The following ST6GALNAC3 variants were observed in gnomAD, a reference collection of about 807,000 sequenced individuals.
ST6GALNAC3 encodes alpha-N-acetylgalactosaminide alpha-2,6-sialyltransferase 3.
A neutral mutation model predicts 32.7 loss-of-function variants in ST6GALNAC3; 25 were observed. The observed-to-expected ratio is 0.76, with a 90% confidence interval of 0.56 to 1.07. The LOEUF is 1.07. Ranked by LOEUF, ST6GALNAC3 falls within the 50% of genes least tolerant of loss-of-function variation. ST6GALNAC3 has a pLI of 0.00. For missense variants in ST6GALNAC3, 355 were observed against 382.4 expected (o/e 0.93, Z 0.60); for synonymous variants, 129 against 133.1 (o/e 0.97, Z 0.21).
At chr1:76,436,321 A>G (rs1450968792) in intron 3 of ST6GALNAC3, among the ~76,000 whole-genome samples, 1 of 152,138 alleles carries the variant, frequency 6.6e-6, no homozygotes, top group Non-Finnish European at 1.5e-5. Context: ...AAAGTTCATC[A>G]GAATATCACA....
chr1:76,572,210 T>G (rs1158844702), intron 3 of ST6GALNAC3, among the ~76,000 whole-genome samples: 1 of 152,022 alleles, frequency 6.6e-6, no homozygotes. Flanking sequence ...TTCCTGCCTA[T>G]CCTAGTAATA....
intron 3 of ST6GALNAC3, among the ~76,000 whole-genome samples, chr1:76,516,986 A>T (rs1200925032): frequency 1.3e-5 from 2 of 152,074 alleles, no homozygotes; most frequent in Admixed American, 6.5e-5. Flanking sequence ...AATTTTTTCT[A>T]AGTCCTTTTA....
chr1:76,385,118 C>T (rs1043463911), intron 2 of ST6GALNAC3, among the ~76,000 whole-genome samples: 10 of 151,908 alleles, frequency 6.6e-5, no homozygotes, highest in African/African-American at 2.4e-4. Context: ...TTCATTAACA[C>T]ATGTTTAAAA....
chr1:76,624,952 C>T (rs76092749), intron 3 of ST6GALNAC3, among the ~76,000 whole-genome samples: 169 of 152,066 alleles, frequency 1.1e-3, no homozygotes, highest in African/African-American at 4.0e-3. Flanking sequence ...GAGCATGGTA[C>T]CGCACAGTGG....
chr1:76,103,110 T>G (rs1390841902), intron 1 of ST6GALNAC3, among the ~76,000 whole-genome samples: 7 of 151,860 alleles, frequency 4.6e-5, no homozygotes, highest in South Asian at 2.1e-4. Flanking sequence ...TTTTTAGTTT[T>G]TTTTTTTTTT....
At chr1:76,144,444 A>G (rs1042109787) in intron 1 of ST6GALNAC3, among the ~76,000 whole-genome samples, 1 of 152,198 alleles carries the variant, frequency 6.6e-6, no homozygotes, top group African/African-American at 2.4e-5. Flanking sequence ...GTTGAACTTG[A>G]CAAATATTGG....
intron 1 of ST6GALNAC3, among the ~76,000 whole-genome samples, chr1:76,114,828 A>T (rs1571186708): frequency 6.6e-6 from 1 of 151,398 alleles, no homozygotes; most frequent in African/African-American, 2.4e-5. Flanking sequence ...CTGAGGCGGG[A>T]GAATCGCTTG....
intron 3 of ST6GALNAC3, among the ~76,000 whole-genome samples, chr1:76,603,052 A>C (rs72991876): frequency 0.038 from 5,729 of 152,280 alleles, 340 homozygotes; most frequent in African/African-American, 0.13. Flanking sequence ...TACACTCACC[A>C]GATTGGCAAA....
At chr1:76,478,256 A>C (rs1295858516) in intron 3 of ST6GALNAC3, among the ~76,000 whole-genome samples, 2 of 152,178 alleles carry the variant, frequency 1.3e-5, no homozygotes, top group Non-Finnish European at 2.9e-5. Flanking sequence ...ATTTAGACTC[A>C]GGCTGCCTCA....
At chr1:76,175,470 T>G (rs1652791228) in intron 1 of ST6GALNAC3, among the ~76,000 whole-genome samples, 1 of 152,162 alleles carries the variant, frequency 6.6e-6, no homozygotes, top group Admixed American at 6.5e-5. Flanking sequence ...TATCCATATT[T>G]TGGTTTTATC....
At chr1:76,395,135 C>A (rs557662510) in intron 2 of ST6GALNAC3, among the ~76,000 whole-genome samples, 1 of 152,078 alleles carries the variant, frequency 6.6e-6, no homozygotes, top group African/African-American at 2.4e-5. Flanking sequence ...GTCATAAATT[C>A]GAGTTCCAAA....
At chr1:76,287,219 T>C (rs1209561287) in intron 1 of ST6GALNAC3, among the ~76,000 whole-genome samples, 2 of 152,172 alleles carry the variant, frequency 1.3e-5, no homozygotes, top group East Asian at 3.8e-4. Context: ...TTAGGTGAAG[T>C]GATTTCTCAT....
intron 2 of ST6GALNAC3, among the ~76,000 whole-genome samples, chr1:76,339,633 G>T (rs925241455): frequency 6.6e-6 from 1 of 152,018 alleles, no homozygotes; most frequent in Non-Finnish European, 1.5e-5. Context: ...TATAAAATAG[G>T]TGTTGCTCAT....
chr1:76,372,996 T>C (rs1242483204), intron 2 of ST6GALNAC3, among the ~76,000 whole-genome samples: 4 of 152,142 alleles, frequency 2.6e-5, no homozygotes, highest in Non-Finnish European at 5.9e-5. Context: ...AGGGTCTTGC[T>C]ATGTTGGCCA....
At chr1:76,502,431 A>C (rs79455736) in intron 3 of ST6GALNAC3, among the ~76,000 whole-genome samples, 1 of 152,290 alleles carries the variant, frequency 6.6e-6, no homozygotes, top group Non-Finnish European at 1.5e-5. Flanking sequence ...TGAAGACTAG[A>C]AGTCCAAAAT....
chr1:76,294,330 GT>G (rs1193292712), intron 1 of ST6GALNAC3, among the ~76,000 whole-genome samples: 1 of 151,588 alleles, frequency 6.6e-6, no homozygotes, highest in Non-Finnish European at 1.5e-5. Context: ...CTGGGAAACA[GT>G]TTCTTTTTTG....
intron 2 of ST6GALNAC3, among the ~76,000 whole-genome samples, chr1:76,355,556 A>C (rs2101034768): frequency 6.6e-6 from 1 of 152,322 alleles, no homozygotes; most frequent in African/African-American, 2.4e-5. Flanking sequence ...CAATTATAAA[A>C]AGTAGCATCT....
intron 3 of ST6GALNAC3, among the ~76,000 whole-genome samples, chr1:76,569,882 C>T (rs1041152079): frequency 6.6e-6 from 1 of 152,082 alleles, no homozygotes; most frequent in African/African-American, 2.4e-5. Flanking sequence ...AGCCATGAAA[C>T]TCCTATGTTC....
At chr1:76,584,856 C>T (rs1368149962) in intron 3 of ST6GALNAC3, among the ~76,000 whole-genome samples, 5 of 152,162 alleles carry the variant, frequency 3.3e-5, no homozygotes, top group South Asian at 2.1e-4. Context: ...AAATGATATA[C>T]GCTACTTCCC....
Sources: gnomAD v4.1 joint callset for allele counts (sites outside exome capture counted in the v4.1 genomes callset) on GRCh38, gnomAD v4.1.1 for gene constraint, MANE v1.5 for transcripts, NCBI Gene and HGNC (gene_info 2026-07-23, HGNC 2026-07-21) for gene names.